CDK19: variants seen among roughly 807,000 people sequenced by gnomAD.
The protein encoded by CDK19 is cyclin-dependent kinase 19.
Under a neutral mutation model 68.3 loss-of-function variants are expected in CDK19, and 20 were observed. The observed-to-expected ratio is 0.29, with a 90% CI of 0.21 to 0.43. CDK19 has a LOEUF of 0.43. Ranked by LOEUF, CDK19 falls within the 20% of genes least tolerant of loss-of-function variation. CDK19 has a pLI of 1.00. For missense variants in CDK19, 339 were observed against 623.5 expected, an observed-to-expected ratio of 0.54 and a Z score of 4.86; for synonymous variants, 221 against 222.8, an observed-to-expected ratio of 0.99 and a Z score of 0.07.
At chr6:110,618,748 C>A (rs1778512965) in intron 12 of CDK19, among the ~76,000 whole-genome samples, 1 of 152,190 alleles carries the variant, frequency 6.6e-6, no homozygotes, top group African/African-American at 2.4e-5. Flanking sequence ...GGCACAATGA[C>A]CTCATTTGGC....
intron 2 of CDK19, among the ~76,000 whole-genome samples, chr6:110,673,741 A>T (rs1398538149): frequency 3.9e-5 from 6 of 152,148 alleles, no homozygotes; most frequent in Non-Finnish European, 7.4e-5. Context: ...TTAAAGAAAA[A>T]AATAAAAATA....
intron 1 of CDK19, chr6:110,814,598 T>A (rs1204584609): frequency 2.2e-6 from 1 of 461,650 alleles, no homozygotes; most frequent in South Asian, 1.5e-5. Flanking sequence ...CTCAGCCGAT[T>A]GGAAGTTCCA....
chr6:110,615,421 C>T (rs906206170), intron 12 of CDK19, among the ~76,000 whole-genome samples: 1 of 152,118 alleles, frequency 6.6e-6, no homozygotes, highest in African/African-American at 2.4e-5. Context: ...ATGTAAGAGA[C>T]AAGCATAGCT....
intron 1 of CDK19, among the ~76,000 whole-genome samples, chr6:110,764,691 C>G (rs1186787874): frequency 6.6e-6 from 1 of 152,192 alleles, no homozygotes; most frequent in Non-Finnish European, 1.5e-5. Context: ...TGGCTCACGC[C>G]TCCAATCCCA....
intron 1 of CDK19, among the ~76,000 whole-genome samples, chr6:110,784,953 C>A (rs1781094215): frequency 1.3e-5 from 2 of 151,506 alleles, no homozygotes; most frequent in African/African-American, 2.4e-5. Context: ...TTAGAGGATA[C>A]CAGGGAAATG....
chr6:110,785,580 G>C (rs977859544), intron 1 of CDK19, among the ~76,000 whole-genome samples: 1 of 152,078 alleles, frequency 6.6e-6, no homozygotes, highest in African/African-American at 2.4e-5. Context: ...ACATTGAGTC[G>C]GCTGAGAAGA....
intron 4 of CDK19, among the ~76,000 whole-genome samples, chr6:110,654,047 C>G (rs1386395229): frequency 1.3e-5 from 2 of 152,136 alleles, no homozygotes. Flanking sequence ...ATAATAGGAA[C>G]AGAGACAATC....
intron 2 of CDK19, among the ~76,000 whole-genome samples, chr6:110,677,354 G>A (rs563071012): frequency 6.6e-6 from 1 of 152,152 alleles, no homozygotes; most frequent in African/African-American, 2.4e-5. Flanking sequence ...ACGAGGTCAG[G>A]AGATCGAGAC....
chr6:110,616,665 T>A (rs2114572787), intron 12 of CDK19, among the ~76,000 whole-genome samples: 1 of 148,780 alleles, frequency 6.7e-6, no homozygotes, highest in African/African-American at 2.5e-5. Context: ...GGAGACTCCA[T>A]CTCAAAAAAA....
intron 1 of CDK19, among the ~76,000 whole-genome samples, chr6:110,750,351 A>ATTTTTTTTTTTTTT (rs1468815522): frequency 9.2e-5 from 14 of 151,718 alleles, no homozygotes; most frequent in Non-Finnish European, 1.5e-4. Flanking sequence ...GCCAGCAGCC[A>ATTTTTTTTTTTTTT]GAGGCAGAGC....
At chr6:110,792,665 C>T (rs1028592334) in intron 1 of CDK19, among the ~76,000 whole-genome samples, 2 of 152,160 alleles carry the variant, frequency 1.3e-5, no homozygotes, top group Non-Finnish European at 2.9e-5. Context: ...CCGCGACAGG[C>T]GAGGGATGGA....
chr6:110,749,612 A>G (rs9374198), intron 1 of CDK19, among the ~76,000 whole-genome samples: 38,142 of 151,492 alleles, frequency 0.25, 4,911 homozygotes, highest in South Asian at 0.4. Context: ...CGCCCACCTC[A>G]GCCTCCCAAA....
intron 1 of CDK19, among the ~76,000 whole-genome samples, chr6:110,778,796 A>C (rs563142175): frequency 1.3e-5 from 2 of 152,306 alleles, no homozygotes; most frequent in East Asian, 3.9e-4. Flanking sequence ...AGTGGAAGTC[A>C]CTGGATGAGA....
At chr6:110,640,345 T>C (rs1780066088) in intron 4 of CDK19, among the ~76,000 whole-genome samples, 1 of 151,832 alleles carries the variant, frequency 6.6e-6, no homozygotes, top group African/African-American at 2.4e-5. Flanking sequence ...ACCGTTATAT[T>C]ACAGTCAGTG....
At chr6:110,752,142 G>C (rs1359686256) in intron 1 of CDK19, among the ~76,000 whole-genome samples, 1 of 151,878 alleles carries the variant, frequency 6.6e-6, no homozygotes, top group Non-Finnish European at 1.5e-5. Flanking sequence ...AGCCAGCCTA[G>C]TAGTAATGAT....
chr6:110,815,232 AGCCGCCTCTCGCGCGCGCGCGCGC>A lies in CDK19; in HGVS notation c.-120_-97del. 8.9e-7 allele frequency: 1 copy of A among 1,120,852 alleles called. No homozygotes were observed. Among genetic ancestry groups the A allele is most frequent in the African/African-American group, 1.8e-5 (1 of 57,028 alleles). The allele number at this position is 1,120,852 out of a possible 1,614,324, so 69.4% of individuals were successfully genotyped here. A position where few individuals can be genotyped will look rare whatever the true frequency, so the allele number is the denominator to read the frequency against. On this transcript the variant is annotated 5_prime_UTR_variant, in exon 1 of 13. Coordinates refer to ENST00000368911, the MANE Select transcript of CDK19 (RefSeq NM_015076.5). ...GCGACCGCCGCTCCACTTCTCCAAC[AGCCGCCTCTCGCGCGCGCGCGCGC>A]GCCGCCCGCCGCCCGCCGCTCCGCG... is the stretch of plus-strand genomic sequence containing the variant.
At chr6:110,715,173 C>T (rs887340692) in intron 2 of CDK19, among the ~76,000 whole-genome samples, 3 of 152,156 alleles carry the variant, frequency 2.0e-5, no homozygotes, top group East Asian at 1.9e-4. Context: ...ATTTTGCTAA[C>T]GTTTAACATT....
intron 2 of CDK19, among the ~76,000 whole-genome samples, chr6:110,704,577 T>C (rs1230239726): frequency 1.3e-5 from 2 of 152,256 alleles, no homozygotes; most frequent in African/African-American, 2.4e-5. Context: ...GTATTATTTA[T>C]CTTTTTTATA....
At chr6:110,672,173 A>G (rs1771067873) in intron 2 of CDK19, among the ~76,000 whole-genome samples, 1 of 152,178 alleles carries the variant, frequency 6.6e-6, no homozygotes, top group African/African-American at 2.4e-5. Context: ...AGGCACAATG[A>G]CTGTCTCCTT....
Sources: gnomAD v4.1 joint callset for allele counts (sites outside exome capture counted in the v4.1 genomes callset) on GRCh38, gnomAD v4.1.1 for gene constraint, MANE v1.5 for transcripts, NCBI Gene and HGNC (gene_info 2026-07-23, HGNC 2026-07-21) for gene names.